SCN7A: variants seen among roughly 807,000 people sequenced by gnomAD.
SCN7A encodes sodium channel protein type 7 subunit alpha.
In SCN7A, 138 loss-of-function variants were observed where a neutral mutation model predicts 155.2. The ratio of observed to expected loss-of-function variants is 0.89; its 90% CI spans 0.77 to 1.02. The LOEUF (loss-of-function observed/expected upper bound fraction) is 1.02. SCN7A is among the 50% of genes least tolerant of loss of function. SCN7A has a pLI of 0.00. For missense variants in SCN7A, 2,058 were observed against 1,986.6 expected, an observed-to-expected ratio of 1.04 and a Z score of -0.68; for synonymous variants, 693 against 649.0, an observed-to-expected ratio of 1.07 and a Z score of -1.03.
Position 166,441,749 on chromosome 2 carries a change from T to G in SCN7A, c.1804A>C (p.Arg602=). The change falls in exon 15 of 26, where the codon AGA becomes CGA. Residue 602 remains arginine, a synonymous_variant. Coordinates refer to ENST00000643258, the MANE Select transcript of SCN7A (RefSeq NM_002976.4). ...MALLRLFRML[R]IFKLGKYWPT... is the part of the protein sequence containing the mutation. ...CAATACTTTCCCAACTTGAAAATTCTTAACTAATAGAGCAATGTAAAATCA... is the reference window on the plus strand; with the variant it reads ...CAATACTTTCCCAACTTGAAAATTCGTAACTAATAGAGCAATGTAAAATCA... The G allele has an allele frequency of 1.3e-6, 2 of 1,596,824 alleles. No individual in the cohort carries two copies. The highest frequency in any genetic ancestry group is 8.5e-7 in the Non-Finnish European group (1 of 1,172,588).
At chr2:166,412,792 T>C (rs1239674804) in intron 22 of SCN7A, 125 bp from the exon 23 acceptor site, 3 of 1,351,164 alleles carry the variant, frequency 2.2e-6, no homozygotes, top group African/African-American at 3.1e-5. Flanking sequence ...CTGTTTTCTT[T>C]TTTGCTGTTT....
intron 20 of SCN7A, among the ~76,000 whole-genome samples, chr2:166,417,189 T>G (rs1185011289): frequency 6.6e-6 from 1 of 152,048 alleles, no homozygotes; most frequent in Non-Finnish European, 1.5e-5. Context: ...TACACTCAAA[T>G]CAGGCTGGGC....
chr2:166,473,343 T>TTA (rs1702701247), intron 5 of SCN7A, among the ~76,000 whole-genome samples: 2 of 151,732 alleles, frequency 1.3e-5, no homozygotes, highest in South Asian at 4.1e-4. Context: ...TCTAATTTTA[T>TTA]TATATATATA....
chr2:166,448,335 TTTTA>T lies in SCN7A; in HGVS notation c.1291-631_1291-628del, dbSNP rs1424601845. On this transcript the variant is annotated intron_variant, in intron 11 of 25. Transcript: ENST00000643258. The stretch of plus-strand genomic sequence containing the variant: ...AATACTCCATTGTGTATATACTATA[TTTTA>T]TTTATTCATGTGTCCATTGATAGAC... 2.0e-5 allele frequency among the ~76,000 whole-genome samples: 3 copies of T among 152,330 alleles called. No homozygotes were observed. In the East Asian group the frequency reaches 5.8e-4, roughly 29 times the overall value.
At position 166,416,799 on chromosome 2, in the gene SCN7A, C is replaced by T; in HGVS notation, c.3322G>A (p.Glu1108Lys). Residue 1108 changes from glutamate (E) to lysine (K), a missense_variant, in exon 21 of 26, where the codon GAA (glutamate) becomes AAA (lysine). Coordinates refer to ENST00000643258, the MANE Select transcript of SCN7A (RefSeq NM_002976.4). Reference protein sequence around the residue: ...SSEVMNKSRCESLLFNESMLW... With the variant: ...SSEVMNKSRCKSLLFNESMLW... Reference sequence around the variant, plus strand: ...ATGGATTCGTTAAACAGAAGGCTTTCACACCGACTCTTATTCATGACTTCA... The same window carrying T: ...ATGGATTCGTTAAACAGAAGGCTTTTACACCGACTCTTATTCATGACTTCA... 6.2e-7 allele frequency: 1 copy of T among 1,613,460 alleles called. No homozygotes were observed. The highest frequency in any genetic ancestry group is 8.5e-7 in the Non-Finnish European group (1 of 1,179,664).
chr2:166,436,030 G>T (rs968536496), intron 15 of SCN7A, among the ~76,000 whole-genome samples: 3 of 152,086 alleles, frequency 2.0e-5, no homozygotes, highest in Non-Finnish European at 4.4e-5. Context: ...TACTTATAGG[G>T]TGCTAAATGA....
chr2:166,423,738 A>G (rs964162733), intron 18 of SCN7A, among the ~76,000 whole-genome samples: 1 of 152,096 alleles, frequency 6.6e-6, no homozygotes, highest in Non-Finnish European at 1.5e-5. Flanking sequence ...TCAGTTAATC[A>G]AACTTAACAC....
chr2:166,408,181 G>GA (rs1295588434), intron 25 of SCN7A, among the ~76,000 whole-genome samples: 1 of 151,772 alleles, frequency 6.6e-6, no homozygotes, highest in African/African-American at 2.4e-5. Flanking sequence ...TTTTTATAAA[G>GA]AAAAAATAAA....
chr2:166,446,265 A>G (rs566671235), intron 12 of SCN7A, among the ~76,000 whole-genome samples: 3 of 152,336 alleles, frequency 2.0e-5, no homozygotes, highest in Admixed American at 6.5e-5. Flanking sequence ...AAACATTTGA[A>G]AAAAAGCTCA....
intron 21 of SCN7A, among the ~76,000 whole-genome samples, chr2:166,413,441 T>C (rs1559087336): frequency 1.3e-5 from 2 of 152,140 alleles, no homozygotes; most frequent in Non-Finnish European, 2.9e-5. Flanking sequence ...CATGTGCTTT[T>C]CTGTGAGAGA....
intron 18 of SCN7A, among the ~76,000 whole-genome samples, chr2:166,424,157 A>G (rs1358557048): frequency 6.6e-6 from 1 of 152,156 alleles, no homozygotes; most frequent in African/African-American, 2.4e-5. Flanking sequence ...GGAAGTAAAT[A>G]CAAAATAACA....
chr2:166,450,300 C>T (rs576847978), intron 11 of SCN7A, among the ~76,000 whole-genome samples: 3 of 151,962 alleles, frequency 2.0e-5, no homozygotes, highest in African/African-American at 4.8e-5. Context: ...CAACAGACAT[C>T]GGGCACTGGG....
In SCN7A at chr2:166,432,762, G is replaced by T. The variant is rs142483504; in HGVS notation, c.2158-10C>A. 5.3e-6 allele frequency: 8 copies of T among 1,501,150 alleles called. No homozygotes were observed. In the East Asian group the frequency reaches 1.8e-4, roughly 34 times the overall value. The allele number at this position is 1,501,150 out of a possible 1,614,324, so 93.0% of individuals were successfully genotyped here. A position where few individuals can be genotyped will look rare whatever the true frequency, so the allele number is the denominator to read the frequency against. On this transcript the variant is annotated splice_polypyrimidine_tract_variant and intron_variant, in intron 15 of 25. Transcript: ENST00000643258. ...GAAACAGGTAAAGTACCTAAATAAG[G>T]AAGTAAAATGAGGCTAAATGTATCT...
intron 6 of SCN7A, 121 bp downstream of exon 6, chr2:166,472,196 G>A: frequency 1.1e-6 from 1 of 891,738 alleles, no homozygotes; most frequent in Non-Finnish European, 1.6e-6. Context: ...CCATAACTTT[G>A]AAGTATTCTT....
chr2:166,488,933 C>T (rs1221537362), intron 1 of SCN7A, among the ~76,000 whole-genome samples: 4 of 152,078 alleles, frequency 2.6e-5, no homozygotes, highest in East Asian at 1.9e-4. Flanking sequence ...CCACTGCGCC[C>T]GACCAACAGT....
intron 18 of SCN7A, among the ~76,000 whole-genome samples, chr2:166,426,183 A>G (rs1372738185): frequency 6.6e-6 from 1 of 152,130 alleles, no homozygotes; most frequent in East Asian, 1.9e-4. Flanking sequence ...AAGACGCATT[A>G]TCAGGTGATG....
rs1204766640 is a variant in SCN7A, at chr2:166,441,741, G to C, written c.1812C>G (p.Phe604Leu). ...LLRLFRMLRIFKLGKYWPTFQ... is the reference protein window; with the variant it reads ...LLRLFRMLRILKLGKYWPTFQ... ...ATGTTGGCCAATACTTTCCCAACTT[G>C]AAAATTCTTAACTAATAGAGCAATG... The change falls in exon 15 of 26, where the codon TTC becomes TTG. Residue 604 changes from phenylalanine to leucine, a missense_variant. Coordinates refer to ENST00000643258, the MANE Select transcript of SCN7A (RefSeq NM_002976.4). The C allele has an allele frequency of 6.3e-7, 1 of 1,598,972 alleles. No homozygotes were observed. The highest frequency in any genetic ancestry group is 8.5e-7 in the Non-Finnish European group (1 of 1,173,940).
At chr2:166,485,808 C>A (rs1391714149) in intron 2 of SCN7A, among the ~76,000 whole-genome samples, 3 of 152,080 alleles carry the variant, frequency 2.0e-5, no homozygotes, top group South Asian at 2.1e-4. Context: ...GCAAAATAAG[C>A]CTCTAGAATT....
rs1701010011 is a variant in SCN7A at position 166,403,919 on chromosome 2, G to A, written c.*1661C>T. 6.6e-6 allele frequency: 1 copy of A among 151,260 alleles called. No homozygotes were observed. The highest frequency in any genetic ancestry group is 1.5e-5 in the Non-Finnish European group (1 of 67,772). 9.4% of individuals were successfully genotyped at this position (151,260 alleles called of 1,614,324 possible). A position where few individuals can be genotyped will look rare whatever the true frequency, so the allele number is the denominator to read the frequency against. The stretch of plus-strand genomic sequence containing the variant: ...ACATGATGGAGAGCAGGAGAAGAAA[G>A]GGAAGGAACACTTAGAGAGGAAAAA... On this transcript the variant is annotated 3_prime_UTR_variant, in exon 26 of 26. Coordinates refer to ENST00000643258, the MANE Select transcript of SCN7A (RefSeq NM_002976.4).
Sources: allele counts gnomAD v4.1 joint callset (sites outside exome capture counted in the v4.1 genomes callset), GRCh38; gene constraint gnomAD v4.1.1; transcripts MANE v1.5; gene names NCBI Gene and HGNC (gene_info 2026-07-23, HGNC 2026-07-21).